Variants in TMEM131 observed in about 807,000 individuals in gnomAD.
The protein encoded by TMEM131 is transmembrane protein 131.
TMEM131 carries 66 observed loss-of-function variants against 211.6 expected under a neutral mutation model. The observed-to-expected ratio is 0.31, with a 90% CI of 0.26 to 0.38. The LOEUF (loss-of-function observed/expected upper bound fraction) is 0.38, where lower values mean the gene tolerates loss of function less well. Ranked by LOEUF, TMEM131 falls within the 10% of genes least tolerant of loss-of-function variation. The probability of loss-of-function intolerance (pLI) is 1.00; values close to 1 mark genes in which losing one functional copy is unlikely to be tolerated. For missense variants in TMEM131, 2,036 were observed against 2,299.3 expected, an observed-to-expected ratio of 0.89 and a Z score of 2.34; for synonymous variants, 844 against 841.3, an observed-to-expected ratio of 1.00 and a Z score of -0.06.
At chr2:97,924,339 C>T (rs551975329) in intron 2 of TMEM131, among the ~76,000 whole-genome samples, 25 of 152,204 alleles carry the variant, frequency 1.6e-4, no homozygotes, top group Non-Finnish European at 2.5e-4. Context: ...GCTGTCATTG[C>T]GCCACTGCAA....
In TMEM131 at chr2:97,911,072, GAGT is replaced by G. The variant is rs1320135497; in HGVS notation, c.250-2377_250-2375del. Among the ~76,000 whole-genome samples, 7 of 152,258 alleles carry G rather than the reference GAGT, an allele frequency of 4.6e-5. No homozygotes were observed. The East Asian group carries it at 1.4e-3, about 29-fold the overall frequency. The stretch of plus-strand genomic sequence containing the variant: ...CACGTATCCAGGTGAACAGACACAT[GAGT>G]TGTGTTATATCCGTACAATGGAATA... On this transcript the variant is annotated intron_variant, in intron 2 of 40. Coordinates refer to ENST00000186436, the MANE Select transcript of TMEM131 (RefSeq NM_015348.2).
Position 97,758,992 on chromosome 2 carries a change from G to A in TMEM131, c.5268C>T (p.Asn1756=), listed in dbSNP as rs779683485. The A allele has an allele frequency of 9.3e-6, 15 of 1,613,900 alleles. No individual in the cohort carries two copies. Among genetic ancestry groups the A allele is most frequent in the Middle Eastern group, 3.3e-4 (2 of 6,084 alleles). The change falls in exon 40 of 41, where the codon AAC becomes AAT. Residue 1756 remains asparagine (N), a synonymous_variant. Coordinates refer to ENST00000186436, the MANE Select transcript of TMEM131 (RefSeq NM_015348.2). ...GGTATGAAGGGCCACTATTAAACTC[G>A]TTCCAGCTCCTCTGTGAGGCCTGAT... ...SCNQASQRSW[N]EFNSGPSYLW...
rs1156881264 is a variant in TMEM131 at position 97,805,217 on chromosome 2, A to C, written c.2285-12T>G. ...CACTTTGGGTTCAGCTAAAACAAGG[A>C]AACATACTTAACCTGCATCTATACT... is the stretch of plus-strand genomic sequence containing the variant. On this transcript the variant is annotated splice_polypyrimidine_tract_variant and intron_variant, in intron 21 of 40. Coordinates refer to ENST00000186436, the MANE Select transcript of TMEM131 (RefSeq NM_015348.2). The C allele has an allele frequency of 6.2e-7, 1 of 1,607,120 alleles. No individual in the cohort carries two copies. Among genetic ancestry groups the C allele is most frequent in the Non-Finnish European group, 8.5e-7 (1 of 1,176,312 alleles).
chr2:97,960,808 T>C (rs1482457214), intron 1 of TMEM131, among the ~76,000 whole-genome samples: 6 of 152,078 alleles, frequency 3.9e-5, no homozygotes, highest in African/African-American at 1.4e-4. Context: ...AGTCCAGCAA[T>C]ATGTAAAAAT....
At chr2:97,985,188 C>A (rs1384196950) in intron 1 of TMEM131, among the ~76,000 whole-genome samples, 1 of 151,928 alleles carries the variant, frequency 6.6e-6, no homozygotes, top group African/African-American at 2.4e-5. Context: ...CTTAAAAAAA[C>A]AGAAAAACAT....
At chr2:97,816,866 T>C (rs545378890) in intron 12 of TMEM131, among the ~76,000 whole-genome samples, 6 of 152,286 alleles carry the variant, frequency 3.9e-5, no homozygotes, top group East Asian at 1.9e-4. Context: ...TTAATACATA[T>C]ATAAGGTGCA....
At chr2:97,808,305 A>G (rs1681402881) in intron 19 of TMEM131, among the ~76,000 whole-genome samples, 1 of 152,204 alleles carries the variant, frequency 6.6e-6, no homozygotes, top group African/African-American at 2.4e-5. Context: ...ACTTGCATAC[A>G]GCATTAAGAT....
chr2:97,807,363 C>T (rs759209047), intron 19 of TMEM131, among the ~76,000 whole-genome samples: 7 of 152,104 alleles, frequency 4.6e-5, no homozygotes, highest in Non-Finnish European at 5.9e-5. Context: ...TGGCTTGGTG[C>T]GTTCTGACCT....
chr2:97,830,618 G>T (rs1487993505), intron 11 of TMEM131, among the ~76,000 whole-genome samples: 2 of 152,152 alleles, frequency 1.3e-5, no homozygotes, highest in Non-Finnish European at 2.9e-5. Flanking sequence ...TTATGATTCC[G>T]ATTTGTTAAT....
At chr2:97,958,091 G>A (rs1678653559) in intron 1 of TMEM131, among the ~76,000 whole-genome samples, 1 of 152,168 alleles carries the variant, frequency 6.6e-6, no homozygotes. Context: ...CAGTGCAAAG[G>A]AATTTGAGGT....
At chr2:97,958,645 G>A (rs1016133990) in intron 1 of TMEM131, among the ~76,000 whole-genome samples, 1 of 152,166 alleles carries the variant, frequency 6.6e-6, no homozygotes, top group Non-Finnish European at 1.5e-5. Context: ...TGCCTGTTAC[G>A]CCTAGGGCAA....
chr2:97,964,408 A>C (rs1678954169), intron 1 of TMEM131, among the ~76,000 whole-genome samples: 1 of 152,218 alleles, frequency 6.6e-6, no homozygotes, highest in Non-Finnish European at 1.5e-5. Context: ...ATTCAGTTCC[A>C]CTGCAAACAA....
chr2:97,777,776 C>T (rs1284183299), intron 31 of TMEM131, among the ~76,000 whole-genome samples: 1 of 152,208 alleles, frequency 6.6e-6, no homozygotes, highest in East Asian at 1.9e-4. Context: ...AATCGTGCCA[C>T]TGTGCCCCAG....
At chr2:97,803,735 T>C (rs1410052754) in intron 22 of TMEM131, among the ~76,000 whole-genome samples, 3 of 152,096 alleles carry the variant, frequency 2.0e-5, no homozygotes, top group Non-Finnish European at 2.9e-5. Flanking sequence ...GTCTTAGCAA[T>C]GGGGTGCTGG....
intron 1 of TMEM131, among the ~76,000 whole-genome samples, chr2:97,930,872 A>G (rs915192459): frequency 1.3e-5 from 2 of 151,856 alleles, no homozygotes; most frequent in East Asian, 1.9e-4. Flanking sequence ...AACAACTGTA[A>G]TTGAAATAAA....
chr2:97,788,799 G>A (rs776492327), intron 31 of TMEM131, among the ~76,000 whole-genome samples: 1 of 152,192 alleles, frequency 6.6e-6, no homozygotes, highest in Admixed American at 6.5e-5. Flanking sequence ...CTTGGCAAGT[G>A]TGGATCAGCA....
At chr2:97,913,171 A>T (rs1387392937) in intron 2 of TMEM131, 1 of 152,184 alleles carries the variant, frequency 6.6e-6, no homozygotes, top group East Asian at 1.9e-4. Context: ...AAGTGTGTAG[A>T]GTCCGGCCTG....
chr2:97,978,199 CAGA>C (rs1679628953), intron 1 of TMEM131, among the ~76,000 whole-genome samples: 1 of 152,220 alleles, frequency 6.6e-6, no homozygotes, highest in South Asian at 2.1e-4. Context: ...ATTTTACCCA[CAGA>C]AGAACTTATT....
intron 2 of TMEM131, among the ~76,000 whole-genome samples, chr2:97,924,078 T>A (rs1676871285): frequency 7.3e-6 from 1 of 136,622 alleles, no homozygotes. Flanking sequence ...AGACCCCATC[T>A]CAAAAAAAAA....
Sources: allele counts gnomAD v4.1 joint callset (sites outside exome capture counted in the v4.1 genomes callset), GRCh38; gene constraint gnomAD v4.1.1; transcripts MANE v1.5; gene names NCBI Gene and HGNC (gene_info 2026-07-23, HGNC 2026-07-21).